MSRA: variants seen among roughly 807,000 people sequenced by gnomAD.
The protein encoded by MSRA is mitochondrial peptide methionine sulfoxide reductase.
MSRA carries 54 observed loss-of-function variants against 31.3 expected under a neutral mutation model. The observed-to-expected ratio is 1.73, with a 90% CI of 1.39 to 2.17. The LOEUF (loss-of-function observed/expected upper bound fraction) is 2.17. Ranked by LOEUF, MSRA falls within the 30% of genes most tolerant of loss-of-function variation. MSRA has a pLI of 0.00. For synonymous variants in MSRA, 169 were observed against 116.5 expected (o/e 1.45, Z -2.90); for missense variants, 507 against 300.9 (o/e 1.69, Z -5.07).
intron 5 of MSRA, among the ~76,000 whole-genome samples, chr8:10,396,831 C>G (rs781586667): frequency 6.6e-6 from 1 of 152,144 alleles, no homozygotes; most frequent in East Asian, 1.9e-4. Flanking sequence ...GGGGTATGGC[C>G]CTTACGCGAG....
intron 5 of MSRA, among the ~76,000 whole-genome samples, chr8:10,399,652 C>T (rs1351876161): frequency 6.6e-6 from 1 of 152,206 alleles, no homozygotes. Flanking sequence ...ATTACCCAGC[C>T]TCTGATATTT....
chr8:10,108,621 G>C (rs371226320), intron 1 of MSRA, among the ~76,000 whole-genome samples: 1 of 152,140 alleles, frequency 6.6e-6, no homozygotes, highest in African/African-American at 2.4e-5. Context: ...AACACCCCGA[G>C]GAAGTTTGCA....
chr8:10,152,997 G>A (rs1803842547), intron 1 of MSRA, among the ~76,000 whole-genome samples: 1 of 152,190 alleles, frequency 6.6e-6, no homozygotes, highest in African/African-American at 2.4e-5. Context: ...ATTTCCAGGG[G>A]CTGAGGAGAA....
chr8:10,089,797 G>T (rs1429690316), intron 1 of MSRA, among the ~76,000 whole-genome samples: 1 of 152,172 alleles, frequency 6.6e-6, no homozygotes. Context: ...GGGCGTCCTG[G>T]CTTTATAACA....
At chr8:10,293,550 A>G (rs1371605175) in intron 3 of MSRA, among the ~76,000 whole-genome samples, 3 of 152,142 alleles carry the variant, frequency 2.0e-5, no homozygotes, top group South Asian at 2.1e-4. Context: ...TGATATTTGA[A>G]TGATTTTGGA....
At chr8:10,096,166 T>C in intron 1 of MSRA, 1 of 1,245,592 alleles carries the variant, frequency 8.0e-7, no homozygotes, top group Non-Finnish European at 1.0e-6. Flanking sequence ...GTTTTATCCA[T>C]GTGTTTAAGA....
intron 5 of MSRA, among the ~76,000 whole-genome samples, chr8:10,354,280 G>T (rs189424012): frequency 6.6e-6 from 1 of 152,178 alleles, no homozygotes; most frequent in Non-Finnish European, 1.5e-5. Context: ...CAATGCATCT[G>T]CTACAGCCTG....
At position 10,104,762 on chromosome 8, in the gene MSRA, AC is replaced by A. The variant is rs1799770500; in HGVS notation, c.142+50110del. Among the ~76,000 whole-genome samples, 4 of 152,180 alleles carry A rather than the reference AC, an allele frequency of 2.6e-5. No individual in the cohort carries two copies. The South Asian group carries it at 8.3e-4, about 32-fold the overall frequency. ...AGACGGATATAATGAGGCATGTCCA[AC>A]CCCCCTTCACATCATAGCCTGAACT... On this transcript the variant is annotated intron_variant, in intron 1 of 5. Transcript: ENST00000317173.
At chr8:10,394,678 G>A (rs1037410038) in intron 5 of MSRA, among the ~76,000 whole-genome samples, 8 of 152,306 alleles carry the variant, frequency 5.3e-5, no homozygotes, top group African/African-American at 1.2e-4. Flanking sequence ...CCACGCTTCC[G>A]CTGTGCTCAG....
rs947668872 is a variant in MSRA at position 10,225,255 on chromosome 8, C to G, written c.211+17354C>G. On this transcript the variant is annotated intron_variant, in intron 2 of 5. Coordinates refer to ENST00000317173, the MANE Select transcript of MSRA (RefSeq NM_012331.5). The stretch of plus-strand genomic sequence containing the variant: ...TCCCATGTATTCAGTTGAAACCCTA[C>G]TCTTCCTTGAAGTCTCTGTGACTTT... Among the ~76,000 whole-genome samples, 79 of 152,244 alleles carry G rather than the reference C, an allele frequency of 5.2e-4. 2 individuals carry two copies. The highest frequency in any genetic ancestry group is 5.0e-3 in the Admixed American group (77 of 15,286).
At chr8:10,372,011 G>C (rs1805505706) in intron 5 of MSRA, among the ~76,000 whole-genome samples, 3 of 152,216 alleles carry the variant, frequency 2.0e-5, no homozygotes, top group Admixed American at 2.0e-4. Context: ...AAGAGCCCCA[G>C]GCAGAACGAG....
chr8:10,133,462 C>G (rs532140657), intron 1 of MSRA, among the ~76,000 whole-genome samples: 3 of 152,262 alleles, frequency 2.0e-5, no homozygotes, highest in South Asian at 4.1e-4. Flanking sequence ...CAAATAAGGT[C>G]TTAGGTCTCT....
chr8:10,321,938 C>G (rs994129759), intron 5 of MSRA, among the ~76,000 whole-genome samples: 3 of 152,212 alleles, frequency 2.0e-5, no homozygotes, highest in Non-Finnish European at 4.4e-5. Context: ...AATGTATATA[C>G]TTTGAAGCTG....
intron 2 of MSRA, among the ~76,000 whole-genome samples, chr8:10,220,789 C>G (rs377441318): frequency 1.3e-5 from 2 of 152,258 alleles, no homozygotes; most frequent in East Asian, 3.9e-4. Flanking sequence ...AGCATATGAC[C>G]TTTGTCAGGG....
chr8:10,200,632 C>A (rs1211104477), intron 1 of MSRA, among the ~76,000 whole-genome samples: 1 of 152,106 alleles, frequency 6.6e-6, no homozygotes, highest in Non-Finnish European at 1.5e-5. Context: ...GGGAGAAGCC[C>A]CTCCCAGTGA....
intron 3 of MSRA, among the ~76,000 whole-genome samples, chr8:10,275,160 A>G (rs1056871866): frequency 6.6e-6 from 1 of 152,126 alleles, no homozygotes; most frequent in Non-Finnish European, 1.5e-5. Context: ...GCCAAAGAAG[A>G]TAAGAGTAAT....
At chr8:10,254,714 A>T (rs1454986055) in intron 3 of MSRA, among the ~76,000 whole-genome samples, 4 of 152,262 alleles carry the variant, frequency 2.6e-5, no homozygotes, top group African/African-American at 9.6e-5. Context: ...AAAATAAAAC[A>T]GGGTTTATGT....
At chr8:10,319,203 T>G (rs1218480634) in intron 4 of MSRA, among the ~76,000 whole-genome samples, 1 of 152,214 alleles carries the variant, frequency 6.6e-6, no homozygotes, top group African/African-American at 2.4e-5. Context: ...GTCCAATTCC[T>G]GAATCCCAGT....
At chr8:10,371,801 T>C (rs1805494351) in intron 5 of MSRA, among the ~76,000 whole-genome samples, 1 of 152,186 alleles carries the variant, frequency 6.6e-6, no homozygotes, top group African/African-American at 2.4e-5. Flanking sequence ...CTGTGGCGCA[T>C]CCATCTTTGT....
Sources: gnomAD v4.1 joint callset for allele counts (sites outside exome capture counted in the v4.1 genomes callset) on GRCh38, gnomAD v4.1.1 for gene constraint, MANE v1.5 for transcripts, NCBI Gene and HGNC (gene_info 2026-07-23, HGNC 2026-07-21) for gene names.